Variants in NTMT1 observed in about 807,000 individuals in gnomAD.
NTMT1 encodes N-terminal Xaa-Pro-Lys N-methyltransferase 1.
A neutral mutation model predicts 17.5 loss-of-function variants in NTMT1; 8 were observed. That is an observed-to-expected ratio of 0.46 (90% CI 0.27 to 0.82). The LOEUF (loss-of-function observed/expected upper bound fraction) is 0.82. NTMT1 is among the 40% of genes least tolerant of loss of function. NTMT1 has a pLI of 0.15. For missense variants in NTMT1, 221 were observed against 303.5 expected (o/e 0.73, Z 2.02); for synonymous variants, 128 against 126.8 (o/e 1.01, Z -0.06).
intron 1 of NTMT1, chr9:129,612,329 C>A (rs773451999): frequency 6.2e-7 from 1 of 1,605,200 alleles, no homozygotes; most frequent in Non-Finnish European, 8.5e-7. Context: ...GTGCCCCTGG[C>A]CTTGGGTTCG....
At chr9:129,634,006 G>A (rs377436386) in intron 2 of NTMT1, 48 bp from the exon 3 acceptor site, 117 of 1,581,962 alleles carry the variant, frequency 7.4e-5, no homozygotes, top group Non-Finnish European at 8.9e-5. Flanking sequence ...AGGGCCGCAC[G>A]TGCGGTGACA....
At chr9:129,634,553 T>C in intron 3 of NTMT1, 1 of 453,764 alleles carries the variant, frequency 2.2e-6, no homozygotes, top group Non-Finnish European at 3.9e-6. Flanking sequence ...TTGGGTGCAG[T>C]TTTTTGTTGA....
At position 129,620,413 on chromosome 9, in the gene NTMT1, G is replaced by A; in HGVS notation, c.-55+11235G>A. The A allele has an allele frequency of 8.1e-7, 1 of 1,241,992 alleles. No homozygotes were observed. Among genetic ancestry groups the A allele is most frequent in the East Asian group, 3.2e-5 (1 of 31,552 alleles). 76.9% of individuals were successfully genotyped at this position (1,241,992 alleles called of 1,614,324 possible). A position where few individuals can be genotyped will look rare whatever the true frequency, so the allele number is the denominator to read the frequency against. ...GCCACCACGCGGCGCCGCCCCCCGG[G>A]ATCCTCCAGTCCCCGGAGCCCCGCG... On this transcript the variant is annotated intron_variant, in intron 1 of 3. Coordinates refer to the NTMT1 transcript ENST00000372486. This position sits in a 1 kb window ranked among gnomAD's most constrained non-coding sequence, Gnocchi z 5.8.
intron 1 of NTMT1, among the ~76,000 whole-genome samples, chr9:129,611,475 G>A (rs1459681911): frequency 2.0e-5 from 3 of 152,234 alleles, no homozygotes; most frequent in Admixed American, 6.5e-5. Context: ...GCCCCAGCCC[G>A]TCCCACACAG....
Position 129,620,437 on chromosome 9 carries a change from C to A in NTMT1, c.-55+11259C>A, listed in dbSNP as rs1341845047. The A allele has an allele frequency of 7.9e-6, 10 of 1,269,930 alleles. No individual in the cohort carries two copies. Among genetic ancestry groups the A allele is most frequent in the Non-Finnish European group, 9.9e-6 (10 of 1,007,712 alleles). 78.7% of individuals were successfully genotyped at this position (1,269,930 alleles called of 1,614,324 possible). On this transcript the variant is annotated intron_variant, in intron 1 of 3. Coordinates refer to the NTMT1 transcript ENST00000372486. The surrounding 1 kb of genome is among the most constrained non-coding windows in gnomAD (Gnocchi z 5.8). ...GGATCCTCCAGTCCCCGGAGCCCCG[C>A]GCGCCCAGAGCCGCTCGGAGCGCGG...
At chr9:129,635,182 G>A in intron 3 of NTMT1, 26 bp from the exon 4 acceptor site, 14 of 1,595,382 alleles carry the variant, frequency 8.8e-6, no homozygotes, top group Non-Finnish European at 1.2e-5. Flanking sequence ...ATGGTGCCCT[G>A]GTAACCTTGC....
In NTMT1 at chr9:129,613,016, C is replaced by T. The variant is rs1039581807; in HGVS notation, c.-55+3838C>T. ...CTCAGGGAGGGTCCACTCCCAGCCC[C>T]AGCCACTCCACCAAACAGGGCTGCT... On this transcript the variant is annotated intron_variant, in intron 1 of 3. Coordinates refer to the NTMT1 transcript ENST00000372486. This position sits in a 1 kb window ranked among gnomAD's most constrained non-coding sequence, Gnocchi z 6.2. 1.3e-6 allele frequency: 2 copies of T among 1,541,718 alleles called. No homozygotes were observed. The highest frequency in any genetic ancestry group is 1.2e-5 in the South Asian group (1 of 86,474).
At position 129,613,705 on chromosome 9, in the gene NTMT1, A is replaced by G. The variant is rs1456895882; in HGVS notation, c.-55+4527A>G. On this transcript the variant is annotated intron_variant, in intron 1 of 3. Transcript: ENST00000372486. This position sits in a 1 kb window ranked among gnomAD's most constrained non-coding sequence, Gnocchi z 6.2. ...CAGGGCCGGTCAGAGCCCTGTCTCC[A>G]TGGCAACCCCAGGCTCCCCAGCGCC... The G allele has an allele frequency of 1.4e-6, 2 of 1,411,440 alleles. No homozygotes were observed. The highest frequency in any genetic ancestry group is 2.1e-4 in the Middle Eastern group (1 of 4,732). The allele number at this position is 1,411,440 out of a possible 1,614,324, so 87.4% of individuals were successfully genotyped here. A position where few individuals can be genotyped will look rare whatever the true frequency, so the allele number is the denominator to read the frequency against.
intron 1 of NTMT1, 118 bp downstream of exon 1, chr9:129,626,413 C>T (rs1415133347): frequency 1.3e-5 from 2 of 152,280 alleles, no homozygotes; most frequent in Non-Finnish European, 2.9e-5. Context: ...TGACCCGGCG[C>T]GTGCGCGCGG....
chr9:129,627,741 T>G (rs1830966512), intron 1 of NTMT1, among the ~76,000 whole-genome samples: 1 of 152,216 alleles, frequency 6.6e-6, no homozygotes, highest in African/African-American at 2.4e-5. Flanking sequence ...TAGAGCACTC[T>G]GCCGTTTGCA....
intron 1 of NTMT1, among the ~76,000 whole-genome samples, chr9:129,627,844 C>G (rs958299387): frequency 6.6e-6 from 1 of 152,156 alleles, no homozygotes; most frequent in Non-Finnish European, 1.5e-5. Context: ...CAGGCTTTTC[C>G]GTAGAGACTT....
Position 129,634,238 on chromosome 9 carries a change from G to C in NTMT1, c.347G>C (p.Cys116Ser). 6.2e-7 allele frequency: 1 copy of C among 1,614,078 alleles called. No individual in the cohort carries two copies. The highest frequency in any genetic ancestry group is 1.3e-5 in the African/African-American group (1 of 75,048). Residue 116 changes from cysteine to serine, a missense_variant, in exon 3 of 4, where the codon TGT (cysteine) becomes TCT (serine). Cys to Ser is a moderately radical substitution (Grantham distance 112, BLOSUM62 -1). Transcript: ENST00000372483. Reference sequence around the variant, plus strand: ...GGCAAGAGGGTGAGGAACTACTTCTGTTGTGGGCTCCAGGACTTCACCCCG... The same window carrying C: ...GGCAAGAGGGTGAGGAACTACTTCTCTTGTGGGCTCCAGGACTTCACCCCG... Reference protein sequence around the residue: ...EEGKRVRNYFCCGLQDFTPEP... With the variant: ...EEGKRVRNYFSCGLQDFTPEP...
chr9:129,619,942 G>C lies in NTMT1; in HGVS notation c.-55+10764G>C, dbSNP rs887754435. On this transcript the variant is annotated intron_variant, in intron 1 of 3. Coordinates refer to the NTMT1 transcript ENST00000372486. ...CTCAAGGACGGGTTGCGAGGGCTCT[G>C]AGATACTCAGCTAACATTAGCATCC... The C allele has an allele frequency of 1.5e-5, 23 of 1,492,298 alleles. No homozygotes were observed. In the African/African-American group the frequency reaches 2.6e-4, roughly 17 times the overall value. 92.4% of individuals were successfully genotyped at this position (1,492,298 alleles called of 1,614,324 possible).
chr9:129,616,675 A>G (rs1830406376), intron 1 of NTMT1, among the ~76,000 whole-genome samples: 1 of 152,230 alleles, frequency 6.6e-6, no homozygotes, highest in East Asian at 1.9e-4. Context: ...TGAGTATCAA[A>G]TGATTTACAT....
rs537435680 is a variant in NTMT1 at position 129,613,142 on chromosome 9, G to A, written c.-55+3964G>A. ...TTTCTGTGCGGGTCCAAGAAGGCTC[G>A]GAGGCTGCTTCGCGGCCTCTGAGCA... On this transcript the variant is annotated intron_variant, in intron 1 of 3. Coordinates refer to the NTMT1 transcript ENST00000372486. The surrounding 1 kb of genome is among the most constrained non-coding windows in gnomAD (Gnocchi z 6.2). 1.9e-4 allele frequency: 301 copies of A among 1,613,876 alleles called. 2 individuals carry two copies. The South Asian group carries it at 2.8e-3, about 15-fold the overall frequency.
chr9:129,612,766 G>A (rs1329885675), intron 1 of NTMT1, among the ~76,000 whole-genome samples: 2 of 152,092 alleles, frequency 1.3e-5, no homozygotes, highest in Admixed American at 6.5e-5. Context: ...CATTGCAGAG[G>A]TTGCAGTGAG....
chr9:129,633,430 T>G, intron 2 of NTMT1: 2 of 171,988 alleles, frequency 1.2e-5, no homozygotes, highest in East Asian at 1.6e-4. Context: ...ATTCTCCCCA[T>G]TCCTCTCTGC....
intron 1 of NTMT1, among the ~76,000 whole-genome samples, chr9:129,629,650 G>A (rs916365696): frequency 2.0e-5 from 3 of 152,186 alleles, no homozygotes; most frequent in Non-Finnish European, 2.9e-5. Flanking sequence ...TGCGGGGAGG[G>A]TGTTATGTGC....
chr9:129,627,885 C>G (rs1830973001), intron 1 of NTMT1, among the ~76,000 whole-genome samples: 1 of 152,210 alleles, frequency 6.6e-6, no homozygotes, highest in African/African-American at 2.4e-5. Context: ...CTGCAAAAGT[C>G]TGCCGGTGAC....
Sources: allele counts gnomAD v4.1 joint callset (sites outside exome capture counted in the v4.1 genomes callset), GRCh38; gene constraint gnomAD v4.1.1; non-coding constraint Gnocchi (gnomAD v3.1); transcripts MANE v1.5; gene names NCBI Gene and HGNC (gene_info 2026-07-23, HGNC 2026-07-21).